TMEM131L: variants seen among roughly 807,000 people sequenced by gnomAD.
TMEM131L encodes transmembrane 131 like.
In TMEM131L, 54 loss-of-function variants were observed where a neutral mutation model predicts 192.2. The observed-to-expected ratio is 0.28, with a 90% confidence interval of 0.23 to 0.35. The LOEUF (loss-of-function observed/expected upper bound fraction) is 0.35, where lower values mean the gene tolerates loss of function less well. Among genes scored for constraint, TMEM131L ranks in the 10% least tolerant of loss-of-function variants. The pLI is 1.00. For missense variants in TMEM131L, 1,888 were observed against 1,972.9 expected (o/e 0.96, Z 0.82); for synonymous variants, 701 against 704.9 (o/e 0.99, Z 0.09).
intron 3 of TMEM131L, among the ~76,000 whole-genome samples, chr4:153,502,142 C>T (rs1733655871): frequency 6.6e-6 from 1 of 151,902 alleles, no homozygotes; most frequent in Non-Finnish European, 1.5e-5. Flanking sequence ...TGAGTTTTCA[C>T]CGTGCTTCCC....
At chr4:153,505,587 G>A (rs926522021) in intron 3 of TMEM131L, among the ~76,000 whole-genome samples, 1 of 152,154 alleles carries the variant, frequency 6.6e-6, no homozygotes, top group Admixed American at 6.5e-5. Context: ...CCCATAACAT[G>A]TCCTGAAGGG....
chr4:153,490,103 T>C (rs1732658894), intron 3 of TMEM131L, among the ~76,000 whole-genome samples: 1 of 152,188 alleles, frequency 6.6e-6, no homozygotes, highest in Non-Finnish European at 1.5e-5. Flanking sequence ...CCTGCGTCCG[T>C]GTATTTCAGC....
At chr4:153,494,038 A>G (rs1188462179) in intron 3 of TMEM131L, among the ~76,000 whole-genome samples, 1 of 151,978 alleles carries the variant, frequency 6.6e-6, no homozygotes, top group African/African-American at 2.4e-5. Flanking sequence ...GTTGTGGGTA[A>G]GGACCTGGGC....
chr4:153,506,654 C>T (rs2150038328), intron 3 of TMEM131L, among the ~76,000 whole-genome samples: 1 of 152,002 alleles, frequency 6.6e-6, no homozygotes, highest in South Asian at 2.1e-4. Flanking sequence ...TCAGTCTGGC[C>T]AACATGGTGA....
At chr4:153,497,370 A>C (rs1028019649) in intron 3 of TMEM131L, among the ~76,000 whole-genome samples, 2 of 152,018 alleles carry the variant, frequency 1.3e-5, no homozygotes, top group African/African-American at 4.8e-5. Flanking sequence ...TGAGAAAAAT[A>C]TTCTCCTCTA....
At chr4:153,611,354 T>G (rs1313927136) in intron 25 of TMEM131L, among the ~76,000 whole-genome samples, 2 of 152,220 alleles carry the variant, frequency 1.3e-5, no homozygotes, top group Admixed American at 6.5e-5. Context: ...ACAGGCAGCT[T>G]AAGAGACTTA....
chr4:153,608,002 T>C (rs1335629871), intron 25 of TMEM131L, among the ~76,000 whole-genome samples: 1 of 152,086 alleles, frequency 6.6e-6, no homozygotes, highest in Non-Finnish European at 1.5e-5. Flanking sequence ...GGGCCTGTGG[T>C]CCCAGCTACT....
intron 7 of TMEM131L, chr4:153,558,573 T>C: frequency 2.6e-6 from 1 of 378,340 alleles, no homozygotes; most frequent in South Asian, 7.7e-5. Context: ...CTTAATCTTA[T>C]TGTTGGTCTT....
chr4:153,590,815 T>A (rs974755239), intron 16 of TMEM131L, among the ~76,000 whole-genome samples: 9 of 148,670 alleles, frequency 6.1e-5, no homozygotes, highest in Non-Finnish European at 1.1e-4. Flanking sequence ...CTGGCTTGTG[T>A]GGCCCTTTGA....
chr4:153,512,389 TGAG>T (rs559185291), intron 3 of TMEM131L, among the ~76,000 whole-genome samples: 7 of 152,210 alleles, frequency 4.6e-5, no homozygotes, highest in African/African-American at 7.2e-5. Flanking sequence ...GCAGAAGTAA[TGAG>T]GAGGACAGTA....
At chr4:153,594,780 G>A (rs1240043394) in intron 19 of TMEM131L, among the ~76,000 whole-genome samples, 2 of 152,142 alleles carry the variant, frequency 1.3e-5, no homozygotes, top group Non-Finnish European at 2.9e-5. Flanking sequence ...CGAGTTGGGG[G>A]GAGTGGTGAA....
chr4:153,540,226 C>T (rs1209097530), intron 3 of TMEM131L, among the ~76,000 whole-genome samples: 1 of 151,910 alleles, frequency 6.6e-6, no homozygotes, highest in Non-Finnish European at 1.5e-5. Context: ...GATTGTTCTT[C>T]GGTCCTACTG....
intron 3 of TMEM131L, among the ~76,000 whole-genome samples, chr4:153,546,296 T>C (rs1580183667): frequency 6.6e-6 from 1 of 152,008 alleles, no homozygotes; most frequent in Non-Finnish European, 1.5e-5. Flanking sequence ...ATCATTGATT[T>C]CTACAAGATG....
Position 153,531,302 on chromosome 4 carries a change from A to G in TMEM131L, c.240-18771A>G, listed in dbSNP as rs557326047. Among the ~76,000 whole-genome samples, 9 of 152,340 alleles carry G rather than the reference A, an allele frequency of 5.9e-5. No individual in the cohort carries two copies. The East Asian group carries it at 1.5e-3, about 26-fold the overall frequency. On this transcript the variant is annotated intron_variant, in intron 3 of 34. Coordinates refer to ENST00000409959, the MANE Select transcript of TMEM131L (RefSeq NM_001131007.2). ...TCTCTGAGAGATGGCCACATTGGCT[A>G]TTACTGGACTAAATTATTTCTTGAC...
chr4:153,633,579 A>G (rs1326107704), intron 32 of TMEM131L, among the ~76,000 whole-genome samples: 3 of 152,188 alleles, frequency 2.0e-5, no homozygotes, highest in African/African-American at 7.2e-5. Flanking sequence ...AAAAATAGTT[A>G]CACAATGGCA....
intron 32 of TMEM131L, chr4:153,633,390 ATT>A (rs11292431): frequency 1.1e-3 from 126 of 111,374 alleles, no homozygotes; most frequent in Admixed American, 1.5e-3. Context: ...CTAATTTTTA[ATT>A]TTTTTTTTTT....
chr4:153,573,697 A>T (rs964645769), intron 7 of TMEM131L, among the ~76,000 whole-genome samples: 1 of 152,084 alleles, frequency 6.6e-6, no homozygotes, highest in East Asian at 1.9e-4. Flanking sequence ...CATTTCAGGG[A>T]GTGGGAGGTA....
At chr4:153,603,251 T>C (rs1218690767) in intron 23 of TMEM131L, 52 bp from the exon 24 acceptor site, 3 of 1,490,722 alleles carry the variant, frequency 2.0e-6, no homozygotes, top group East Asian at 4.8e-5. Flanking sequence ...ACTAGTCTTT[T>C]GAATGCCAGT....
At chr4:153,527,042 C>T (rs968092753) in intron 3 of TMEM131L, among the ~76,000 whole-genome samples, 4 of 151,996 alleles carry the variant, frequency 2.6e-5, no homozygotes, top group South Asian at 2.1e-4. Flanking sequence ...GTTATTTAAC[C>T]CTCCATGAAA....
Sources: allele counts gnomAD v4.1 joint callset (sites outside exome capture counted in the v4.1 genomes callset), GRCh38; gene constraint gnomAD v4.1.1; transcripts MANE v1.5; gene names NCBI Gene and HGNC (gene_info 2026-07-23, HGNC 2026-07-21).